ANGPT4: variants seen among roughly 807,000 people sequenced by gnomAD.
The protein encoded by ANGPT4 is angiopoietin-4.
ANGPT4 carries 50 observed loss-of-function variants against 53.0 expected under a neutral mutation model. The ratio of observed to expected loss-of-function variants is 0.94; its 90% CI spans 0.75 to 1.20. The LOEUF (loss-of-function observed/expected upper bound fraction) is 1.20, where lower values mean the gene tolerates loss of function less well. Ranked by LOEUF, ANGPT4 falls within the 50% of genes most tolerant of loss-of-function variation. The probability of loss-of-function intolerance (pLI) is 0.00; values close to 1 mark genes in which losing one functional copy is unlikely to be tolerated. For missense variants in ANGPT4, 648 were observed against 637.1 expected, an observed-to-expected ratio of 1.02 and a Z score of -0.18; for synonymous variants, 251 against 259.7, an observed-to-expected ratio of 0.97 and a Z score of 0.32.
At chr20:907,477 G>A (rs187033992) in intron 1 of ANGPT4, among the ~76,000 whole-genome samples, 29 of 152,274 alleles carry the variant, frequency 1.9e-4, no homozygotes, top group African/African-American at 4.8e-4. Context: ...AGGTGTTTGC[G>A]ATCGCTCACC....
intron 7 of ANGPT4, among the ~76,000 whole-genome samples, chr20:875,537 C>G (rs1276082512): frequency 6.6e-6 from 1 of 152,240 alleles, no homozygotes; most frequent in African/African-American, 2.4e-5. Flanking sequence ...CCACTTAGAG[C>G]TGCATGGCCT....
At chr20:881,957 C>A (rs1981426805) in intron 4 of ANGPT4, among the ~76,000 whole-genome samples, 2 of 152,172 alleles carry the variant, frequency 1.3e-5, no homozygotes, top group Non-Finnish European at 2.9e-5. Flanking sequence ...AACTGAGGCC[C>A]AAGAGTGAGG....
chr20:893,855 G>A (rs775539370), intron 1 of ANGPT4, among the ~76,000 whole-genome samples: 13 of 152,172 alleles, frequency 8.5e-5, no homozygotes, highest in Non-Finnish European at 1.8e-4. Context: ...ACTGCCCACT[G>A]TGATCCCAAT....
Position 914,177 on chromosome 20 carries a change from G to C in ANGPT4, c.309+1729C>G, listed in dbSNP as rs1258776859. ...CTAGGCCCTGGGAACCCAGAAGTGA[G>C]CAAAAGAGACATGGCGCCTGCCCTC... On this transcript the variant is annotated intron_variant, in intron 1 of 8. Coordinates refer to ENST00000381922, the MANE Select transcript of ANGPT4 (RefSeq NM_015985.4). The surrounding 1 kb of genome is among the most constrained non-coding windows in gnomAD (Gnocchi z 5.0). 6.6e-6 allele frequency among the ~76,000 whole-genome samples: 1 copy of C among 152,134 alleles called. No individual in the cohort carries two copies. The highest frequency in any genetic ancestry group is 1.5e-5 in the Non-Finnish European group (1 of 68,008).
chr20:913,873 C>T (rs1334994532), intron 1 of ANGPT4, among the ~76,000 whole-genome samples: 2 of 152,270 alleles, frequency 1.3e-5, no homozygotes, highest in East Asian at 1.9e-4. Context: ...TGGTGTCACC[C>T]TAAACAGAGA....
rs1397716464 is a variant in ANGPT4 at position 908,841 on chromosome 20, G to A, written c.309+7065C>T. Among the ~76,000 whole-genome samples the A allele has an allele frequency of 6.6e-6, 1 of 152,188 alleles. No individual in the cohort carries two copies. Among genetic ancestry groups the A allele is most frequent in the Non-Finnish European group, 1.5e-5 (1 of 68,030 alleles). ...TAGTCCCAGAATTGAAAGGATGCAT[G>A]ATTTTTTCATGACATTTATGGCATG... On this transcript the variant is annotated intron_variant, in intron 1 of 8. Transcript: ENST00000381922. This position sits in a 1 kb window ranked among gnomAD's most constrained non-coding sequence, Gnocchi z 4.9.
chr20:885,415 C>T, intron 3 of ANGPT4, 90 bp from the exon 4 acceptor site: 1 of 1,429,842 alleles, frequency 7.0e-7, no homozygotes, highest in Non-Finnish European at 9.1e-7. Context: ...GTCCCTGCAG[C>T]CCGACGATGA....
intron 1 of ANGPT4, among the ~76,000 whole-genome samples, chr20:894,431 C>T (rs1013971598): frequency 3.3e-5 from 5 of 151,998 alleles, no homozygotes; most frequent in African/African-American, 1.2e-4. Context: ...GAGATTTCCT[C>T]GGGAGGGGTG....
At chr20:888,017 C>G (rs1227579760) in intron 3 of ANGPT4, among the ~76,000 whole-genome samples, 1 of 152,098 alleles carries the variant, frequency 6.6e-6, no homozygotes, top group Non-Finnish European at 1.5e-5. Flanking sequence ...CCTAGCCCAG[C>G]CCCGTATCCA....
intron 1 of ANGPT4, among the ~76,000 whole-genome samples, chr20:899,496 G>T (rs1313347389): frequency 6.6e-6 from 1 of 151,784 alleles, no homozygotes; most frequent in African/African-American, 2.4e-5. Context: ...CTCGTGATTT[G>T]CCCGCCTCGG....
In ANGPT4 at chr20:914,262, GA is replaced by G. The variant is rs959885339; in HGVS notation, c.309+1643del. Among the ~76,000 whole-genome samples, 63 of 150,722 alleles carry G rather than the reference GA, an allele frequency of 4.2e-4. 1 individual carries two copies. The highest frequency in any genetic ancestry group is 2.1e-3 in the East Asian group (11 of 5,148). On this transcript the variant is annotated intron_variant, in intron 1 of 8. Transcript: ENST00000381922. This position sits in a 1 kb window ranked among gnomAD's most constrained non-coding sequence, Gnocchi z 5.0. The stretch of plus-strand genomic sequence containing the variant: ...AACATTAGGTAGGGATAAGTTCTAA[GA>G]AAAAAAAACACAACAAAGCCAGCAG...
intron 7 of ANGPT4, among the ~76,000 whole-genome samples, chr20:876,386 T>C (rs551845666): frequency 2.6e-5 from 4 of 152,254 alleles, no homozygotes; most frequent in African/African-American, 9.6e-5. Flanking sequence ...TAGAAAAGAC[T>C]TGGGAGGCTC....
chr20:908,075 C>G lies in ANGPT4; in HGVS notation c.309+7831G>C, dbSNP rs1432525150. On this transcript the variant is annotated intron_variant, in intron 1 of 8. Coordinates refer to ENST00000381922, the MANE Select transcript of ANGPT4 (RefSeq NM_015985.4). This position sits in a 1 kb window ranked among gnomAD's most constrained non-coding sequence, Gnocchi z 4.9. ...TGCCTTCTTGGTGGCTGAGGCTGAT[C>G]CTGCAGATGGGGTGACAGGGATAAG... Among the ~76,000 whole-genome samples, 1 of 152,114 alleles carries G rather than the reference C, an allele frequency of 6.6e-6. No homozygotes were observed. The highest frequency in any genetic ancestry group is 2.4e-5 in the African/African-American group (1 of 41,420).
At chr20:912,411 C>T (rs370300811) in intron 1 of ANGPT4, among the ~76,000 whole-genome samples, 6 of 152,340 alleles carry the variant, frequency 3.9e-5, no homozygotes, top group African/African-American at 1.4e-4. Context: ...GGTCATGTGA[C>T]TAGCCACTGA....
Position 911,836 on chromosome 20 carries a change from G to A in ANGPT4, c.309+4070C>T, listed in dbSNP as rs1197671203. The stretch of plus-strand genomic sequence containing the variant: ...TCTTTAGGAGAGAGACAGAGAGAGG[G>A]AGAGAGGGACAGAGAGAGGGAGAGA... On this transcript the variant is annotated intron_variant, in intron 1 of 8. Coordinates refer to ENST00000381922, the MANE Select transcript of ANGPT4 (RefSeq NM_015985.4). The surrounding 1 kb of genome is among the most constrained non-coding windows in gnomAD (Gnocchi z 4.9). Among the ~76,000 whole-genome samples, 1 of 126,666 alleles carries A rather than the reference G, an allele frequency of 7.9e-6. No homozygotes were observed. Among genetic ancestry groups the A allele is most frequent in the Admixed American group, 7.9e-5 (1 of 12,656 alleles). The allele number at this position is 126,666 out of a possible 152,430, so 83.1% of individuals were successfully genotyped here.
At chr20:880,831 T>G (rs1013276380) in intron 5 of ANGPT4, among the ~76,000 whole-genome samples, 2 of 152,246 alleles carry the variant, frequency 1.3e-5, no homozygotes, top group Non-Finnish European at 1.5e-5. Flanking sequence ...CTGGACTATA[T>G]GTAAACTAGA....
intron 1 of ANGPT4, 33 bp from the exon 2 acceptor site, chr20:890,401 A>G (rs1488333854): frequency 1.8e-5 from 17 of 921,302 alleles, no homozygotes; most frequent in Non-Finnish European, 2.0e-5. Context: ...GTCACGGGGG[A>G]GGGGCGGGGG....
At chr20:895,607 A>G (rs1056666139) in intron 1 of ANGPT4, among the ~76,000 whole-genome samples, 7 of 152,138 alleles carry the variant, frequency 4.6e-5, no homozygotes, top group African/African-American at 1.7e-4. Flanking sequence ...TCCGTGGATG[A>G]GCAGCCTCCG....
chr20:886,547 G>A (rs1289517338), intron 3 of ANGPT4, among the ~76,000 whole-genome samples: 1 of 152,220 alleles, frequency 6.6e-6, no homozygotes, highest in Non-Finnish European at 1.5e-5. Flanking sequence ...GCCATCGTAA[G>A]TTGAAAATGT....
Sources: gnomAD v4.1 joint callset for allele counts (sites outside exome capture counted in the v4.1 genomes callset) on GRCh38, gnomAD v4.1.1 for gene constraint, Gnocchi (gnomAD v3.1) non-coding constraint, MANE v1.5 for transcripts, NCBI Gene and HGNC (gene_info 2026-07-23, HGNC 2026-07-21) for gene names.